The following ANKRD11 variants were observed in gnomAD, a reference collection of about 807,000 sequenced individuals.
The protein encoded by ANKRD11 is ankyrin repeat domain-containing protein 11.
Under a neutral mutation model 195.7 loss-of-function variants are expected in ANKRD11, and 17 were observed. The observed-to-expected ratio is 0.09, with a 90% confidence interval of 0.06 to 0.13. ANKRD11 has a LOEUF of 0.13. ANKRD11 is among the 10% of genes least tolerant of loss of function. ANKRD11 has a pLI of 1.00. For missense variants in ANKRD11, 3,735 were observed against 3,566.1 expected, an observed-to-expected ratio of 1.05 and a Z score of -1.21; for synonymous variants, 1,953 against 1,528.1, an observed-to-expected ratio of 1.28 and a Z score of -6.49.
intron 2 of ANKRD11, among the ~76,000 whole-genome samples, chr16:89,361,243 G>A (rs1464818028): frequency 2.6e-5 from 4 of 152,146 alleles, no homozygotes; most frequent in East Asian, 1.9e-4. Context: ...TCTTCCTCCC[G>A]CAGAGGGCCT....
At chr16:89,465,401 T>TG (rs1342157045) in intron 1 of ANKRD11, among the ~76,000 whole-genome samples, 1 of 152,234 alleles carries the variant, frequency 6.6e-6, no homozygotes, top group African/African-American at 2.4e-5. Context: ...AGACTGGCGT[T>TG]GGACTTCTCT....
intron 1 of ANKRD11, among the ~76,000 whole-genome samples, chr16:89,484,807 T>C (rs2057551209): frequency 6.6e-6 from 1 of 152,224 alleles, no homozygotes; most frequent in Non-Finnish European, 1.5e-5. Flanking sequence ...AATGGTTTGT[T>C]GAGAAAAAGC....
chr16:89,300,184 T>C (rs2035759169), intron 4 of ANKRD11: 2 of 219,660 alleles, frequency 9.1e-6, no homozygotes, highest in Admixed American at 1.2e-4. Flanking sequence ...GTGCCCTGTG[T>C]GGGGTGCCTG....
Position 89,281,442 on chromosome 16 carries a change from G to T in ANKRD11, c.5100C>A (p.Pro1700=). 6.2e-7 allele frequency: 1 copy of T among 1,613,356 alleles called. No individual in the cohort carries two copies. Among genetic ancestry groups the T allele is most frequent in the Non-Finnish European group, 8.5e-7 (1 of 1,179,434 alleles). ...CCGACGTAGGGGTGGGCACGCCAGT[G>T]GGCCGGCTCTGGTCAGGCCTGGGGG... The part of the protein sequence containing the change: ...PASPRPDQSR[P]TGVPTPTSVL... Residue 1700 remains proline, a synonymous_variant, in exon 9 of 13, where the codon CCC becomes CCA. Transcript: ENST00000301030. The surrounding 1 kb of genome is among the most constrained non-coding windows in gnomAD (Gnocchi z 5.5).
chr16:89,278,393 C>CA (rs1208755050), intron 9 of ANKRD11: 2 of 393,432 alleles, frequency 5.1e-6, no homozygotes, highest in Non-Finnish European at 1.0e-5. Context: ...GGAATGTGCT[C>CA]AGAGCAGGGC....
chr16:89,328,302 A>G (rs2037843653), intron 2 of ANKRD11, among the ~76,000 whole-genome samples: 1 of 152,194 alleles, frequency 6.6e-6, no homozygotes, highest in Admixed American at 6.5e-5. Context: ...TTACGAACCT[A>G]AGTGTGCGCT....
chr16:89,490,060 A>G (rs1360388558), intron 1 of ANKRD11, among the ~76,000 whole-genome samples, 185 bp downstream of exon 1: 1 of 84,612 alleles, frequency 1.2e-5, no homozygotes, highest in Non-Finnish European at 2.4e-5. Context: ...TCCGGGACCC[A>G]TTATTGGTCC....
intron 1 of ANKRD11, among the ~76,000 whole-genome samples, chr16:89,428,358 T>A (rs1355824271): frequency 6.7e-6 from 1 of 149,962 alleles, no homozygotes; most frequent in African/African-American, 2.5e-5. Flanking sequence ...ACCCCGTCTC[T>A]ACTAAAAATA....
chr16:89,329,046 C>T (rs916864909), intron 2 of ANKRD11: 2 of 152,914 alleles, frequency 1.3e-5, no homozygotes, highest in African/African-American at 4.8e-5. Context: ...GTGGACGCAC[C>T]CAGGAGCACG....
At chr16:89,340,314 G>A (rs1353802432) in intron 2 of ANKRD11, among the ~76,000 whole-genome samples, 1 of 152,240 alleles carries the variant, frequency 6.6e-6, no homozygotes, top group Non-Finnish European at 1.5e-5. Context: ...GTCTCGCTCT[G>A]TCGCCCAGGC....
At chr16:89,441,490 G>A (rs912474209) in intron 1 of ANKRD11, among the ~76,000 whole-genome samples, 5 of 151,250 alleles carry the variant, frequency 3.3e-5, no homozygotes, top group African/African-American at 9.7e-5. Context: ...AAACCTGGCC[G>A]GGCGCGGTGG....
chr16:89,347,489 T>G (rs576153469), intron 2 of ANKRD11, among the ~76,000 whole-genome samples: 1 of 151,780 alleles, frequency 6.6e-6, no homozygotes, highest in Non-Finnish European at 1.5e-5. Context: ...CAGGCGCCGG[T>G]AGTCCCAGCT....
intron 2 of ANKRD11, among the ~76,000 whole-genome samples, chr16:89,381,527 AG>A (rs1158078307): frequency 2.0e-5 from 3 of 152,214 alleles, no homozygotes; most frequent in African/African-American, 7.2e-5. Flanking sequence ...TAAGCATTCT[AG>A]TTTATAAAAC....
At chr16:89,297,099 G>A (rs1301521772) in intron 4 of ANKRD11, among the ~76,000 whole-genome samples, 3 of 151,806 alleles carry the variant, frequency 2.0e-5, no homozygotes, top group Non-Finnish European at 4.4e-5. Context: ...AGACCCTGAG[G>A]TTGGGCCCCA....
chr16:89,325,479 A>T lies in ANKRD11; in HGVS notation c.-59-8401T>A, dbSNP rs1597650228. ...CTCTCTCTCTCTCTCTCACACACAC[A>T]CACACACACACACACAGAGTAATAA... On this transcript the variant is annotated intron_variant, in intron 2 of 12. Transcript: ENST00000301030. 3.3e-5 allele frequency among the ~76,000 whole-genome samples: 5 copies of T among 151,932 alleles called. No individual in the cohort carries two copies. The South Asian group carries it at 8.3e-4, about 25-fold the overall frequency.
At chr16:89,435,537 G>T (rs2043178315) in intron 1 of ANKRD11, among the ~76,000 whole-genome samples, 1 of 152,092 alleles carries the variant, frequency 6.6e-6, no homozygotes, top group South Asian at 2.1e-4. Context: ...GAACCCACCA[G>T]AAGGAAAACA....
chr16:89,304,229 C>A (rs915234355), intron 4 of ANKRD11, among the ~76,000 whole-genome samples: 1 of 152,212 alleles, frequency 6.6e-6, no homozygotes, highest in Admixed American at 6.5e-5. Flanking sequence ...GGCGCTGACC[C>A]CACCAGGAGC....
intron 3 of ANKRD11, among the ~76,000 whole-genome samples, chr16:89,310,497 C>T (rs1428709501): frequency 1.3e-5 from 2 of 152,224 alleles, no homozygotes; most frequent in African/African-American, 2.4e-5. Context: ...GGGATTTTGG[C>T]TGGCATTACA....
intron 12 of ANKRD11, chr16:89,270,561 G>A: frequency 3.8e-6 from 2 of 531,888 alleles, no homozygotes; most frequent in East Asian, 3.4e-5. Context: ...CAAGCCTAGG[G>A]TCCTGTTGAG....
Sources: allele counts gnomAD v4.1 joint callset (sites outside exome capture counted in the v4.1 genomes callset), GRCh38; gene constraint gnomAD v4.1.1; non-coding constraint Gnocchi (gnomAD v3.1); transcripts MANE v1.5; gene names NCBI Gene and HGNC (gene_info 2026-07-23, HGNC 2026-07-21).